The following TTF2 variants were observed in gnomAD, a reference collection of about 807,000 sequenced individuals.
TTF2 encodes RNA polymerase II termination factor.
TTF2 carries 108 observed loss-of-function variants against 142.4 expected under a neutral mutation model. The observed-to-expected ratio is 0.76, with a 90% CI of 0.65 to 0.89. The LOEUF (loss-of-function observed/expected upper bound fraction) is 0.89, where lower values mean the gene tolerates loss of function less well. Ranked by LOEUF, TTF2 falls within the 40% of genes least tolerant of loss-of-function variation. TTF2 has a pLI of 0.00. For synonymous variants in TTF2, 483 were observed against 506.2 expected (o/e 0.95, Z 0.61); for missense variants, 1,327 against 1,379.8 (o/e 0.96, Z 0.61).
In TTF2 at chr1:117,090,317, C is replaced by T; in HGVS notation, c.2496+109C>T. ...TTTGCTTCAGGAGCCTCTGAGTTTC[C>T]CATCCTCCTGTGAGGAGGCCCCAGG... On this transcript the variant is annotated intron_variant, in intron 14 of 22. Transcript: ENST00000369466. The surrounding 1 kb of genome is among the most constrained non-coding windows in gnomAD (Gnocchi z 4.8). The T allele has an allele frequency of 6.8e-7, 1 of 1,465,268 alleles. No homozygotes were observed. Among genetic ancestry groups the T allele is most frequent in the African/African-American group, 1.4e-5 (1 of 70,808 alleles). 90.8% of individuals were successfully genotyped at this position (1,465,268 alleles called of 1,614,324 possible). A position where few individuals can be genotyped will look rare whatever the true frequency, so the allele number is the denominator to read the frequency against.
At chr1:117,077,541 T>C (rs1657117394) in intron 7 of TTF2, among the ~76,000 whole-genome samples, 1 of 152,198 alleles carries the variant, frequency 6.6e-6, no homozygotes, top group Non-Finnish European at 1.5e-5. Context: ...TCAAGACTGA[T>C]GACTAATAGA....
Position 117,099,344 on chromosome 1 carries a change from A to C in TTF2, c.3344+437A>C, listed in dbSNP as rs1202087356. 1.3e-5 allele frequency among the ~76,000 whole-genome samples: 2 copies of C among 152,206 alleles called. No homozygotes were observed. The highest frequency in any genetic ancestry group is 4.8e-5 in the African/African-American group (2 of 41,436). ...TTTGTCCCTAAGTACTTAAGTGTACATTTCTTAAAATTAAGGGAATTCTCT... is the reference window on the plus strand; with the variant it reads ...TTTGTCCCTAAGTACTTAAGTGTACCTTTCTTAAAATTAAGGGAATTCTCT... On this transcript the variant is annotated intron_variant, in intron 22 of 22. Coordinates refer to ENST00000369466, the MANE Select transcript of TTF2 (RefSeq NM_003594.4). The surrounding 1 kb of genome is among the most constrained non-coding windows in gnomAD (Gnocchi z 4.3).
chr1:117,103,113 G>A lies in TTF2; in HGVS notation c.*1589G>A, dbSNP rs1649714753. 1 of 152,212 alleles carries A rather than the reference G, an allele frequency of 6.6e-6. No individual in the cohort carries two copies. Among genetic ancestry groups the A allele is most frequent in the Non-Finnish European group, 1.5e-5 (1 of 68,044 alleles). The allele number at this position is 152,212 out of a possible 1,614,324, so 9.4% of individuals were successfully genotyped here. A position where few individuals can be genotyped will look rare whatever the true frequency, so the allele number is the denominator to read the frequency against. On this transcript the variant is annotated 3_prime_UTR_variant, in exon 23 of 23. Coordinates refer to ENST00000369466, the MANE Select transcript of TTF2 (RefSeq NM_003594.4). ...TGGAAGATTACAAGGCCCTAGGGAA[G>A]GTGAAGCCACTAGCTCAGCAGTTCT...
At position 117,072,973 on chromosome 1, in the gene TTF2, G is replaced by GT. The variant is rs766315098; in HGVS notation, c.219-679dup. The stretch of plus-strand genomic sequence containing the variant: ...TTTCAGTGGACTCATAAATGTCATA[G>GT]TTTTTTTTTAGTAGTTTTAATTTGT... On this transcript the variant is annotated intron_variant, in intron 3 of 22. Coordinates refer to ENST00000369466, the MANE Select transcript of TTF2 (RefSeq NM_003594.4). Among the ~76,000 whole-genome samples the GT allele has an allele frequency of 1.3e-4, 19 of 151,424 alleles. No individual in the cohort carries two copies. In the East Asian group the frequency reaches 2.3e-3, roughly 18 times the overall value.
chr1:117,095,474 C>A, intron 19 of TTF2, 107 bp downstream of exon 19: 1 of 1,033,560 alleles, frequency 9.7e-7, no homozygotes, highest in Non-Finnish European at 1.5e-6. Flanking sequence ...CAGCAGAAAG[C>A]ACTGAGGTTA....
chr1:117,095,500 G>A, intron 19 of TTF2, 133 bp downstream of exon 19: 6 of 745,586 alleles, frequency 8.0e-6, no homozygotes, highest in Non-Finnish European at 6.7e-6. Context: ...CACATTCCCT[G>A]TGATTTCTAA....
chr1:117,072,645 G>A (rs756957798), intron 3 of TTF2, among the ~76,000 whole-genome samples: 10 of 151,970 alleles, frequency 6.6e-5, no homozygotes, highest in East Asian at 3.9e-4. Flanking sequence ...GGATGGTCTC[G>A]ATCTCTTGAT....
At chr1:117,083,502 A>G (rs1263596982) in intron 10 of TTF2, among the ~76,000 whole-genome samples, 2 of 152,220 alleles carry the variant, frequency 1.3e-5, no homozygotes, top group East Asian at 1.9e-4. Context: ...TTCAGAAAGT[A>G]TAACAATACT....
At position 117,076,192 on chromosome 1, in the gene TTF2, T is replaced by C; in HGVS notation, c.1288T>C (p.Ser430Pro). 6.2e-7 allele frequency: 1 copy of C among 1,613,890 alleles called. No homozygotes were observed. Among genetic ancestry groups the C allele is most frequent in the Non-Finnish European group, 8.5e-7 (1 of 1,179,826 alleles). ...QLKQKKSTLA[S>P]VNIQALPDKG... Reference sequence around the variant, plus strand: ...ATCTGTTTTTCAGAGCACACTGGCATCAGTGAACATCCAGGCTCTTCCAGA... The same window carrying C: ...ATCTGTTTTTCAGAGCACACTGGCACCAGTGAACATCCAGGCTCTTCCAGA... Residue 430 changes from serine to proline, a missense_variant, in exon 6 of 23, where the codon TCA becomes CCA. Transcript: ENST00000369466. The surrounding 1 kb of genome is among the most constrained non-coding windows in gnomAD (Gnocchi z 4.6).
At chr1:117,066,109 T>C (rs1656107171) in intron 3 of TTF2, among the ~76,000 whole-genome samples, 1 of 149,522 alleles carries the variant, frequency 6.7e-6, no homozygotes, top group South Asian at 2.1e-4. Context: ...AGTACTGGGA[T>C]TACAGGTGTG....
chr1:117,084,304 G>A lies in TTF2; in HGVS notation c.2054+136G>A, dbSNP rs182215711. ...AAGCCAAAGACAGATCTTTAGTCTC[G>A]TCACCATACAGCCTTTGCGTTGTAT... On this transcript the variant is annotated intron_variant, in intron 11 of 22. Transcript: ENST00000369466. The A allele has an allele frequency of 4.2e-3, 4,616 of 1,106,822 alleles. 298 individuals carry two copies. The Admixed American group carries it at 0.1, about 25-fold the overall frequency. 68.6% of individuals were successfully genotyped at this position (1,106,822 alleles called of 1,614,324 possible).
chr1:117,090,265 C>T lies in TTF2; in HGVS notation c.2496+57C>T. On this transcript the variant is annotated intron_variant, in intron 14 of 22. Coordinates refer to ENST00000369466, the MANE Select transcript of TTF2 (RefSeq NM_003594.4). This position sits in a 1 kb window ranked among gnomAD's most constrained non-coding sequence, Gnocchi z 4.8. ...GCCAGGGAAGGAACATGACTGTGTCCTTGTCTTGGGTTGAACAGCCATCTG... is the reference window on the plus strand; with the variant it reads ...GCCAGGGAAGGAACATGACTGTGTCTTTGTCTTGGGTTGAACAGCCATCTG... 6.3e-7 allele frequency: 1 copy of T among 1,581,840 alleles called. No homozygotes were observed. The highest frequency in any genetic ancestry group is 1.2e-5 in the South Asian group (1 of 84,814).
intron 9 of TTF2, 80 bp from the exon 10 acceptor site, chr1:117,081,748 C>G (rs1570835252): frequency 1.3e-6 from 2 of 1,520,518 alleles, no homozygotes; most frequent in East Asian, 4.6e-5. Context: ...GAAATGTCTG[C>G]CAGTGGTTTC....
chr1:117,079,616 C>G lies in TTF2; in HGVS notation c.1750C>G (p.Arg584Gly), dbSNP rs200250517. The G allele has an allele frequency of 1.7e-5, 27 of 1,614,124 alleles. No homozygotes were observed. Among genetic ancestry groups the G allele is most frequent in the Non-Finnish European group, 2.3e-5 (27 of 1,180,030 alleles). ...GCAGGCATTGGCTTGGTTACTATGG[C>G]GAGAAAGTCAGAAGCCACAAGGAGG... ...QKQALAWLLW[R>G]ESQKPQGGIL... The change falls in exon 9 of 23, where the codon CGA (arginine) becomes GGA (glycine). Residue 584 changes from arginine (R) to glycine (G), a missense_variant. By Grantham distance (125) the Arg-to-Gly change is moderately radical. Transcript: ENST00000369466. The surrounding 1 kb of genome is among the most constrained non-coding windows in gnomAD (Gnocchi z 4.2).
intron 11 of TTF2, 65 bp downstream of exon 11, chr1:117,084,233 T>G: frequency 6.3e-7 from 1 of 1,588,646 alleles, no homozygotes; most frequent in Non-Finnish European, 8.6e-7. Flanking sequence ...CACGGGCCTT[T>G]GCTCCCATCC....
At chr1:117,060,398 C>T (rs1655558741) in intron 1 of TTF2, 24 bp downstream of exon 1, 1 of 1,608,108 alleles carries the variant, frequency 6.2e-7, no homozygotes. Context: ...GTCTCAGCGT[C>T]CCGGGGCCTG....
At chr1:117,089,260 C>CTATATATATATATATATATATA (rs10524337) in intron 13 of TTF2, among the ~76,000 whole-genome samples, 2,209 of 137,036 alleles carry the variant, frequency 0.016, 76 homozygotes, top group Non-Finnish European at 0.02. Context: ...CAAATATATG[C>CTATATATATATATATATATATA]TATATATATA....
At chr1:117,088,009 G>A (rs180797770) in intron 12 of TTF2, among the ~76,000 whole-genome samples, 100 of 152,212 alleles carry the variant, frequency 6.6e-4, no homozygotes, top group African/African-American at 2.4e-3. Flanking sequence ...TATCTATATC[G>A]TATTGTAATT....
chr1:117,089,368 C>T (rs1295985951), intron 13 of TTF2, among the ~76,000 whole-genome samples: 3 of 151,108 alleles, frequency 2.0e-5, no homozygotes, highest in Non-Finnish European at 4.4e-5. Context: ...TTATTTGAAG[C>T]AAACAAAAAA....
Sources: gnomAD v4.1 joint callset for allele counts (sites outside exome capture counted in the v4.1 genomes callset) on GRCh38, gnomAD v4.1.1 for gene constraint, Gnocchi (gnomAD v3.1) non-coding constraint, MANE v1.5 for transcripts, NCBI Gene and HGNC (gene_info 2026-07-23, HGNC 2026-07-21) for gene names.